CLEC2B: variants seen among roughly 807,000 people sequenced by gnomAD.
CLEC2B encodes C-type (calcium dependent, carbohydrate-recognition domain) lectin, superfamily member 2 (activation-induced).
CLEC2B carries 14 observed loss-of-function variants against 16.2 expected under a neutral mutation model. The ratio of observed to expected loss-of-function variants is 0.86; its 90% CI spans 0.57 to 1.35. The LOEUF is 1.35. Ranked by LOEUF, CLEC2B falls within the 40% of genes most tolerant of loss-of-function variation. The pLI, the probability that CLEC2B is intolerant of heterozygous loss-of-function variation, is 0.00. For synonymous variants in CLEC2B, 42 were observed against 55.8 expected (o/e 0.75, Z 1.10); for missense variants, 166 against 182.3 (o/e 0.91, Z 0.52).
intron 1 of CLEC2B, among the ~76,000 whole-genome samples, chr12:9,864,956 G>T (rs1867959679): frequency 6.6e-6 from 1 of 152,140 alleles, no homozygotes; most frequent in African/African-American, 2.4e-5. Flanking sequence ...GCCAAGGCAG[G>T]CAGATCATTT....
chr12:9,855,589 C>T (rs1321472659), intron 3 of CLEC2B, among the ~76,000 whole-genome samples: 3 of 151,652 alleles, frequency 2.0e-5, no homozygotes, highest in African/African-American at 2.4e-5. Context: ...TAGAATATTC[C>T]GTGTAAATGC....
At chr12:9,853,654 A>G (rs1867870047) in intron 4 of CLEC2B, among the ~76,000 whole-genome samples, 1 of 152,186 alleles carries the variant, frequency 6.6e-6, no homozygotes, top group Admixed American at 6.5e-5. Context: ...CGTATAAACC[A>G]ATGGTTTTCA....
chr12:9,858,662 T>C (rs1867912364), intron 2 of CLEC2B, among the ~76,000 whole-genome samples: 1 of 151,892 alleles, frequency 6.6e-6, no homozygotes, highest in Non-Finnish European at 1.5e-5. Flanking sequence ...CTATAGAAGA[T>C]AAAATTTTAT....
At chr12:9,862,890 T>A (rs1313717390) in intron 1 of CLEC2B, among the ~76,000 whole-genome samples, 2 of 152,144 alleles carry the variant, frequency 1.3e-5, no homozygotes, top group Non-Finnish European at 2.9e-5. Context: ...GAGATCAAGA[T>A]GGATAACCAG....
Position 9,866,202 on chromosome 12 carries a change from T to C in CLEC2B, c.-3+3003A>G, listed in dbSNP as rs148123800. On this transcript the variant is annotated intron_variant, in intron 1 of 4. Transcript: ENST00000228438. ...TCTTTCATATATAACCTTATTAATA[T>C]CATGAATTATTTATTAATTTTCTTT... Among the ~76,000 whole-genome samples, 83 of 152,230 alleles carry C rather than the reference T, an allele frequency of 5.5e-4. 1 individual carries two copies. Among genetic ancestry groups the C allele is most frequent in the African/African-American group, 1.8e-3 (75 of 41,554 alleles).
chr12:9,862,841 C>T (rs971298862), intron 1 of CLEC2B, among the ~76,000 whole-genome samples: 2 of 152,044 alleles, frequency 1.3e-5, no homozygotes, highest in Non-Finnish European at 2.9e-5. Flanking sequence ...TTTCCGGTAC[C>T]CAAGGGCATG....
Position 9,857,490 on chromosome 12 carries a change from T to C in CLEC2B, c.221A>G (p.Asp74Gly), listed in dbSNP as rs779592063. ...ATTACTTACCATTTCTTCTATGTTG[T>C]CAATTATAGTTAGGTCGGCATGTTG... ...STQHADLTII[D>G]NIEEMNFLRR... Residue 74 changes from aspartate (D) to glycine (G), a missense_variant, in exon 3 of 5, where the codon GAC becomes GGC. Physicochemically the swap from Asp to Gly is moderately conservative, Grantham distance 94. Transcript: ENST00000228438. 3 of 1,608,464 alleles carry C rather than the reference T, an allele frequency of 1.9e-6. No homozygotes were observed. The Admixed American group carries it at 5.0e-5, about 27-fold the overall frequency.
chr12:9,855,455 A>G (rs905769477), intron 3 of CLEC2B, among the ~76,000 whole-genome samples: 3 of 152,260 alleles, frequency 2.0e-5, no homozygotes, highest in African/African-American at 7.2e-5. Flanking sequence ...ATAATGTTAG[A>G]AAATATTCTA....
intron 1 of CLEC2B, among the ~76,000 whole-genome samples, chr12:9,866,547 T>A (rs961745562): frequency 5.9e-5 from 9 of 152,170 alleles, no homozygotes; most frequent in Non-Finnish European, 1.5e-5. Flanking sequence ...CTTTTGCTAT[T>A]ATTTTTTTCT....
intron 1 of CLEC2B, among the ~76,000 whole-genome samples, chr12:9,866,405 G>C (rs1012166727): frequency 2.0e-5 from 3 of 151,908 alleles, no homozygotes; most frequent in African/African-American, 7.3e-5. Flanking sequence ...GCATGTAATT[G>C]TATTTTCTTA....
At chr12:9,861,317 A>G (rs1867930861) in intron 2 of CLEC2B, among the ~76,000 whole-genome samples, 1 of 152,066 alleles carries the variant, frequency 6.6e-6, no homozygotes, top group Non-Finnish European at 1.5e-5. Context: ...AACAACAATT[A>G]TGAAGGTACT....
chr12:9,861,837 TATA>T (rs1565515836), intron 2 of CLEC2B, among the ~76,000 whole-genome samples: 1 of 152,178 alleles, frequency 6.6e-6, no homozygotes, highest in African/African-American at 2.4e-5. Context: ...TATAAAATTT[TATA>T]ATATTTACAT....
At chr12:9,862,360 T>G (rs964786964) in intron 2 of CLEC2B, 139 bp downstream of exon 2, 2 of 763,738 alleles carry the variant, frequency 2.6e-6, no homozygotes, top group South Asian at 2.1e-5. Context: ...TTAATAAAAT[T>G]TATTCATTTG....
At chr12:9,864,474 A>G (rs1481774899) in intron 1 of CLEC2B, among the ~76,000 whole-genome samples, 3 of 152,252 alleles carry the variant, frequency 2.0e-5, no homozygotes, top group Non-Finnish European at 4.4e-5. Context: ...AGATAAATCT[A>G]TCAAGAACAA....
chr12:9,857,496 A>G lies in CLEC2B; in HGVS notation c.215T>C (p.Ile72Thr). ...TACCATTTCTTCTATGTTGTCAATT[A>G]TAGTTAGGTCGGCATGTTGAGTGGA... ...NCSTQHADLTIIDNIEEMNFL... is the reference protein window; with the variant it reads ...NCSTQHADLTTIDNIEEMNFL... Residue 72 changes from isoleucine to threonine, a missense_variant, in exon 3 of 5, where the codon ATA becomes ACA. Coordinates refer to ENST00000228438, the MANE Select transcript of CLEC2B (RefSeq NM_005127.3). The G allele has an allele frequency of 6.2e-7, 1 of 1,609,604 alleles. No individual in the cohort carries two copies. The highest frequency in any genetic ancestry group is 1.1e-5 in the South Asian group (1 of 90,904).
chr12:9,859,282 A>G (rs954382631), intron 2 of CLEC2B, among the ~76,000 whole-genome samples: 1 of 152,008 alleles, frequency 6.6e-6, no homozygotes, highest in African/African-American at 2.4e-5. Flanking sequence ...TTAGAAAACA[A>G]AAAGAACAGA....
At chr12:9,857,178 T>G in intron 3 of CLEC2B, 1 of 211,690 alleles carries the variant, frequency 4.7e-6, no homozygotes, top group Non-Finnish European at 9.3e-6. Context: ...ACAATTCTCC[T>G]TTCTTGGTGG....
At chr12:9,857,171 A>G (rs1017273481) in intron 3 of CLEC2B, 1 of 206,524 alleles carries the variant, frequency 4.8e-6, no homozygotes, top group African/African-American at 2.3e-5. Context: ...TCCTCAGACA[A>G]TTCTCCTTTC....
intron 1 of CLEC2B, among the ~76,000 whole-genome samples, chr12:9,864,282 G>T (rs191914323): frequency 1.4e-3 from 205 of 151,702 alleles, no homozygotes; most frequent in Non-Finnish European, 2.4e-3. Flanking sequence ...ACCACCACCA[G>T]ACATATCTTA....
Sources: allele counts gnomAD v4.1 joint callset (sites outside exome capture counted in the v4.1 genomes callset), GRCh38; gene constraint gnomAD v4.1.1; transcripts MANE v1.5; gene names NCBI Gene and HGNC (gene_info 2026-07-23, HGNC 2026-07-21).